Variants in NDUFA5 observed in about 807,000 individuals in gnomAD.
NDUFA5 encodes the protein NADH:ubiquinone oxidoreductase subunit A5, also known as NADH dehydrogenase [ubiquinone] 1 alpha subcomplex subunit 5.
Under a neutral mutation model 19.8 loss-of-function variants are expected in NDUFA5, and 11 were observed. That is an observed-to-expected ratio of 0.56 (90% CI 0.35 to 0.92). The LOEUF (loss-of-function observed/expected upper bound fraction) is 0.92. Among genes scored for constraint, NDUFA5 ranks in the 40% least tolerant of loss-of-function variants. NDUFA5 has a pLI of 0.01. For synonymous variants in NDUFA5, 47 were observed against 46.8 expected, an observed-to-expected ratio of 1.00 and a Z score of -0.01; for missense variants, 109 against 134.2, an observed-to-expected ratio of 0.81 and a Z score of 0.93.
chr7:123,588,362 T>G, the NDUFA5 span, among the ~76,000 whole-genome samples: 1 of 151,714 alleles, frequency 6.6e-6, no homozygotes, highest in South Asian at 2.1e-4. Flanking sequence ...TTCTGTATTT[T>G]TATATATGTG....
At chr7:123,597,914 C>T in the NDUFA5 span, among the ~76,000 whole-genome samples, 2 of 97,670 alleles carry the variant, frequency 2.0e-5, no homozygotes, top group Non-Finnish European at 2.2e-5. Context: ...TCTTTTCAAA[C>T]TTCGTGTGTG....
the NDUFA5 span, among the ~76,000 whole-genome samples, chr7:123,569,638 A>G: frequency 2.0e-5 from 3 of 152,218 alleles, no homozygotes; most frequent in African/African-American, 7.2e-5. Flanking sequence ...AGAAAGGTGG[A>G]CAAGGTTATT....
At chr7:123,572,344 T>C in the NDUFA5 span, among the ~76,000 whole-genome samples, 27 of 151,796 alleles carry the variant, frequency 1.8e-4, no homozygotes, top group Non-Finnish European at 3.4e-4. Context: ...TTTCACCATG[T>C]TGGCCAGGAC....
chr7:123,579,068 C>T, the NDUFA5 span, among the ~76,000 whole-genome samples: 4 of 152,124 alleles, frequency 2.6e-5, no homozygotes, highest in Middle Eastern at 0.01. Flanking sequence ...CTCCCTCCTT[C>T]CTCCCTTTTG....
At chr7:123,567,818 G>GA in the NDUFA5 span, among the ~76,000 whole-genome samples, 71 of 143,934 alleles carry the variant, frequency 4.9e-4, no homozygotes, top group Admixed American at 1.8e-3. Flanking sequence ...ACCTTGGAAA[G>GA]AAAAAAAAAA....
chr7:123,583,068 T>C, the NDUFA5 span, among the ~76,000 whole-genome samples: 6 of 152,052 alleles, frequency 3.9e-5, no homozygotes, highest in African/African-American at 1.4e-4. Flanking sequence ...TTTAAAATTA[T>C]AGACTGTTCA....
chr7:123,553,556 GA>G (rs1798434244), intron 2 of NDUFA5, among the ~76,000 whole-genome samples: 1 of 152,084 alleles, frequency 6.6e-6, no homozygotes, highest in African/African-American at 2.4e-5. Flanking sequence ...TACAGAAGAG[GA>G]AAAATAATAA....
chr7:123,585,635 T>TTGTGTGTG, the NDUFA5 span, among the ~76,000 whole-genome samples: 5 of 147,422 alleles, frequency 3.4e-5, no homozygotes, highest in African/African-American at 1.2e-4. Flanking sequence ...TAGTTACTAT[T>TTGTGTGTG]TGTGTGTGTG....
chr7:123,546,138 T>C (rs1798123601), intron 3 of NDUFA5, among the ~76,000 whole-genome samples: 1 of 152,072 alleles, frequency 6.6e-6, no homozygotes, highest in African/African-American at 2.4e-5. Context: ...AAACTAGAAA[T>C]AACCCAAATG....
At position 123,542,097 on chromosome 7, in the gene NDUFA5, A is replaced by T. The variant is rs555902004; in HGVS notation, c.*22T>A. 1 of 1,547,168 alleles carries T rather than the reference A, an allele frequency of 6.5e-7. No homozygotes were observed. Among genetic ancestry groups the T allele is most frequent in the South Asian group, 1.1e-5 (1 of 87,180 alleles). On this transcript the variant is annotated 3_prime_UTR_variant, in exon 5 of 5. Coordinates refer to ENST00000355749, the MANE Select transcript of NDUFA5 (RefSeq NM_005000.5). ...ATTTAATTACATCAGTTTCCCATGA[A>T]CACACCAAAGTCACTTAATAATTAT... is the stretch of plus-strand genomic sequence containing the variant.
At chr7:123,557,954 A>G (rs1798628100), upstream of NDUFA5, 2 of 1,303,724 alleles carry the variant, frequency 1.5e-6, no homozygotes, top group East Asian at 2.5e-5. Context: ...CCCATCTTAA[A>G]AGAGAAAAAT....
chr7:123,575,170 G>T, the NDUFA5 span, among the ~76,000 whole-genome samples: 1 of 151,310 alleles, frequency 6.6e-6, no homozygotes, highest in South Asian at 2.1e-4. Flanking sequence ...TTAATTTAAG[G>T]ATTAACATTA....
chr7:123,570,121 G>A, the NDUFA5 span, among the ~76,000 whole-genome samples: 1 of 140,034 alleles, frequency 7.1e-6, no homozygotes, highest in African/African-American at 2.7e-5. Context: ...TATAAGCTCT[G>A]CCTCCCGGGT....
At chr7:123,594,538 C>A in the NDUFA5 span, among the ~76,000 whole-genome samples, 1 of 152,158 alleles carries the variant, frequency 6.6e-6, no homozygotes, top group African/African-American at 2.4e-5. Flanking sequence ...CAGACAGGCC[C>A]CTCAGCTGCA....
At chr7:123,601,409 T>C in the NDUFA5 span, among the ~76,000 whole-genome samples, 3 of 152,162 alleles carry the variant, frequency 2.0e-5, no homozygotes, top group Admixed American at 6.5e-5. Context: ...CAAATTAGTA[T>C]GACAAGAAGA....
chr7:123,562,597 AT>A (rs1368091779), upstream of NDUFA5, among the ~76,000 whole-genome samples: 1 of 151,984 alleles, frequency 6.6e-6, no homozygotes, highest in Admixed American at 6.6e-5. Context: ...TCATGAACCA[AT>A]TTCTAACAGC....
chr7:123,565,478 T>A, the NDUFA5 span, among the ~76,000 whole-genome samples: 1 of 152,060 alleles, frequency 6.6e-6, no homozygotes, highest in African/African-American at 2.4e-5. Context: ...GTTCCCCAGA[T>A]AACATATGTT....
At chr7:123,593,230 G>A in the NDUFA5 span, among the ~76,000 whole-genome samples, 2 of 152,046 alleles carry the variant, frequency 1.3e-5, no homozygotes, top group Admixed American at 1.3e-4. Flanking sequence ...TATCCAATTT[G>A]CCAGTCTGTG....
chr7:123,571,827 T>C, the NDUFA5 span, among the ~76,000 whole-genome samples: 1 of 152,148 alleles, frequency 6.6e-6, no homozygotes, highest in East Asian at 1.9e-4. Flanking sequence ...TGCAGTGGCA[T>C]GATCATGACT....
Sources: gnomAD v4.1 joint callset for allele counts (sites outside exome capture counted in the v4.1 genomes callset) on GRCh38, gnomAD v4.1.1 for gene constraint, MANE v1.5 for transcripts, NCBI Gene and HGNC (gene_info 2026-07-23, HGNC 2026-07-21) for gene names.